Variants in CSMD1 observed in about 807,000 individuals in gnomAD.
The protein encoded by CSMD1 is CUB and sushi domain-containing protein 1.
Under a neutral mutation model 417.5 loss-of-function variants are expected in CSMD1, and 213 were observed. That is an observed-to-expected ratio of 0.51 (90% CI 0.46 to 0.57). The LOEUF (loss-of-function observed/expected upper bound fraction) is 0.57. Among genes scored for constraint, CSMD1 ranks in the 20% least tolerant of loss-of-function variants. The pLI is 0.00. For missense variants in CSMD1, 6,923 were observed against 4,529.7 expected (o/e 1.53, Z -15.17); for synonymous variants, 2,862 against 1,736.8 (o/e 1.65, Z -16.11).
intron 21 of CSMD1, among the ~76,000 whole-genome samples, chr8:3,350,938 A>T (rs528751231): frequency 6.6e-6 from 1 of 152,344 alleles, no homozygotes; most frequent in African/African-American, 2.4e-5. Flanking sequence ...AAAATTAACC[A>T]TCCCGTTGTA....
chr8:3,000,641 G>C (rs1807318870), intron 52 of CSMD1, among the ~76,000 whole-genome samples: 1 of 152,196 alleles, frequency 6.6e-6, no homozygotes, highest in African/African-American at 2.4e-5. Flanking sequence ...ATGAAAATCT[G>C]AGTTATGGGT....
intron 2 of CSMD1, among the ~76,000 whole-genome samples, chr8:4,565,478 C>T (rs904290483): frequency 6.6e-6 from 1 of 151,978 alleles, no homozygotes; most frequent in African/African-American, 2.4e-5. Flanking sequence ...TGGCTCACAC[C>T]TGTAATCCCA....
chr8:3,265,066 T>G (rs1192874149), intron 26 of CSMD1, among the ~76,000 whole-genome samples: 4 of 152,156 alleles, frequency 2.6e-5, no homozygotes, highest in Admixed American at 1.3e-4. Flanking sequence ...AGAAGGCAAT[T>G]CAACACAAAT....
intron 2 of CSMD1, among the ~76,000 whole-genome samples, chr8:4,503,185 C>T (rs898650684): frequency 6.6e-6 from 1 of 152,164 alleles, no homozygotes; most frequent in Non-Finnish European, 1.5e-5. Flanking sequence ...TATCATCCGT[C>T]TAAGCCAGGT....
intron 9 of CSMD1, 41 bp downstream of exon 9, chr8:3,586,095 G>T (rs1800586551): frequency 1.9e-6 from 3 of 1,587,480 alleles, no homozygotes; most frequent in Non-Finnish European, 2.6e-6. Context: ...CAACCTTAAA[G>T]AAAGAGATAA....
chr8:4,809,869 G>T (rs772050750), intron 1 of CSMD1, among the ~76,000 whole-genome samples: 4 of 152,120 alleles, frequency 2.6e-5, no homozygotes, highest in Non-Finnish European at 4.4e-5. Flanking sequence ...TGGGGCAAGC[G>T]GTTGCCATAT....
intron 27 of CSMD1, among the ~76,000 whole-genome samples, chr8:3,226,475 C>T (rs1292155011): frequency 6.6e-6 from 1 of 150,648 alleles, no homozygotes; most frequent in Non-Finnish European, 1.5e-5. Flanking sequence ...CCTAGCTACT[C>T]AGGAGGCTGA....
chr8:4,370,344 C>T (rs938522771), intron 3 of CSMD1, among the ~76,000 whole-genome samples: 1 of 152,010 alleles, frequency 6.6e-6, no homozygotes. Flanking sequence ...TGTAAGTGAC[C>T]TGCTCCTTCT....
At chr8:4,639,566 G>A (rs1192111738) in intron 1 of CSMD1, among the ~76,000 whole-genome samples, 1 of 152,108 alleles carries the variant, frequency 6.6e-6, no homozygotes. Flanking sequence ...TGCTTTAAAT[G>A]TATTTAAATG....
intron 3 of CSMD1, among the ~76,000 whole-genome samples, chr8:4,167,406 T>A (rs1189875347): frequency 6.6e-6 from 1 of 152,108 alleles, no homozygotes; most frequent in Non-Finnish European, 1.5e-5. Context: ...TAGGCTAAAG[T>A]GTTCATGTAA....
At chr8:4,405,235 G>A (rs898737049) in intron 3 of CSMD1, among the ~76,000 whole-genome samples, 1 of 152,120 alleles carries the variant, frequency 6.6e-6, no homozygotes, top group Non-Finnish European at 1.5e-5. Flanking sequence ...TTGCATCAAT[G>A]GAAATGCTTA....
intron 3 of CSMD1, among the ~76,000 whole-genome samples, chr8:4,369,100 T>C (rs1802256609): frequency 6.6e-6 from 1 of 152,140 alleles, no homozygotes; most frequent in Non-Finnish European, 1.5e-5. Context: ...AAAACTTTCC[T>C]CTTAACACTG....
rs1811073338 is a variant in CSMD1, at chr8:3,387,433, T to G, written c.2782+61A>C. On this transcript the variant is annotated intron_variant, in intron 18 of 69. Transcript: ENST00000635120. ...GAAATACACACACCACCCAGCTAGT[T>G]AGACGTGTGCGCTGTCTCTGCACAC... 3 of 1,405,560 alleles carry G rather than the reference T, an allele frequency of 2.1e-6. No homozygotes were observed. In the East Asian group the frequency reaches 7.5e-5, roughly 35 times the overall value. 87.1% of individuals were successfully genotyped at this position (1,405,560 alleles called of 1,614,324 possible).
At chr8:3,902,111 T>C (rs2129134127) in intron 5 of CSMD1, among the ~76,000 whole-genome samples, 1 of 152,322 alleles carries the variant, frequency 6.6e-6, no homozygotes, top group South Asian at 2.1e-4. Context: ...AACACATTGC[T>C]AAGCCTTAAT....
chr8:3,345,733 C>T (rs1807945404), intron 22 of CSMD1, among the ~76,000 whole-genome samples: 1 of 152,164 alleles, frequency 6.6e-6, no homozygotes, highest in South Asian at 2.1e-4. Flanking sequence ...ATGCCATATA[C>T]TCAAGGGATG....
chr8:3,894,990 A>G (rs1485202183), intron 5 of CSMD1, among the ~76,000 whole-genome samples: 2 of 152,170 alleles, frequency 1.3e-5, no homozygotes, highest in Non-Finnish European at 2.9e-5. Flanking sequence ...TGAATCTCCC[A>G]TTTGGTATGA....
chr8:4,384,978 T>C (rs1803351317), intron 3 of CSMD1, among the ~76,000 whole-genome samples: 3 of 152,156 alleles, frequency 2.0e-5, no homozygotes, highest in Non-Finnish European at 4.4e-5. Flanking sequence ...TGGAGTGCAA[T>C]GGCGCAATCT....
intron 3 of CSMD1, among the ~76,000 whole-genome samples, chr8:4,347,252 C>T (rs978058987): frequency 3.9e-5 from 6 of 152,096 alleles, no homozygotes; most frequent in Non-Finnish European, 8.8e-5. Flanking sequence ...AAACAGACAT[C>T]CACGATTTGG....
chr8:4,871,005 G>A (rs181838250), intron 1 of CSMD1, among the ~76,000 whole-genome samples: 1 of 152,196 alleles, frequency 6.6e-6, no homozygotes, highest in Non-Finnish European at 1.5e-5. Flanking sequence ...GTCTGGTCTG[G>A]GTGTCAGAGC....
Sources: allele counts gnomAD v4.1 joint callset (sites outside exome capture counted in the v4.1 genomes callset), GRCh38; gene constraint gnomAD v4.1.1; transcripts MANE v1.5; gene names NCBI Gene and HGNC (gene_info 2026-07-23, HGNC 2026-07-21).